The following GALNT17 variants were observed in gnomAD, a reference collection of about 807,000 sequenced individuals.
GALNT17 encodes polypeptide N-acetylgalactosaminyltransferase 17.
Under a neutral mutation model 63.7 loss-of-function variants are expected in GALNT17, and 29 were observed. That is an observed-to-expected ratio of 0.46 (90% CI 0.34 to 0.62). The LOEUF (loss-of-function observed/expected upper bound fraction) is 0.62, where lower values mean the gene tolerates loss of function less well. GALNT17 is among the 20% of genes least tolerant of loss of function. The probability of loss-of-function intolerance (pLI) is 0.01; values close to 1 mark genes in which losing one functional copy is unlikely to be tolerated. For missense variants in GALNT17, 603 were observed against 799.6 expected (o/e 0.75, Z 2.97); for synonymous variants, 305 against 318.3 (o/e 0.96, Z 0.45).
intron 6 of GALNT17, among the ~76,000 whole-genome samples, chr7:71,626,572 C>A (rs1165672879): frequency 6.6e-6 from 1 of 152,204 alleles, no homozygotes; most frequent in Non-Finnish European, 1.5e-5. Flanking sequence ...GCTCTAGAAG[C>A]TGAATGACCA....
At chr7:71,486,861 CA>C (rs1178098140) in intron 5 of GALNT17, among the ~76,000 whole-genome samples, 47 of 120,344 alleles carry the variant, frequency 3.9e-4, no homozygotes, top group East Asian at 7.3e-4. Context: ...AGACCCTGTC[CA>C]AAAAAAAAAA....
At chr7:71,210,264 G>A (rs923167350) in intron 1 of GALNT17, among the ~76,000 whole-genome samples, 4 of 152,126 alleles carry the variant, frequency 2.6e-5, no homozygotes, top group Non-Finnish European at 5.9e-5. Flanking sequence ...CCCTGGGTCC[G>A]TTTCACAACA....
chr7:71,439,496 C>A (rs142454997), intron 5 of GALNT17, among the ~76,000 whole-genome samples: 1 of 152,150 alleles, frequency 6.6e-6, no homozygotes, highest in Non-Finnish European at 1.5e-5. Context: ...ACATTAGCAA[C>A]GTAAACTTTC....
intron 5 of GALNT17, among the ~76,000 whole-genome samples, chr7:71,476,824 G>A (rs967032606): frequency 3.3e-5 from 5 of 152,210 alleles, no homozygotes; most frequent in Admixed American, 3.3e-4. Flanking sequence ...GCTTTAGGGT[G>A]AGAATTCCAG....
At chr7:71,643,685 G>A (rs1300773283) in intron 6 of GALNT17, among the ~76,000 whole-genome samples, 4 of 152,116 alleles carry the variant, frequency 2.6e-5, no homozygotes, top group South Asian at 2.1e-4. Flanking sequence ...GCCAGGCTGC[G>A]AGCTGATTGC....
chr7:71,575,495 TCTC>T (rs1290213519), intron 6 of GALNT17, among the ~76,000 whole-genome samples: 60 of 151,986 alleles, frequency 3.9e-4, no homozygotes, highest in African/African-American at 1.4e-3. Flanking sequence ...TTCACGCCAT[TCTC>T]CTGCCTCAGC....
chr7:71,253,388 G>A (rs374244435), intron 1 of GALNT17, among the ~76,000 whole-genome samples: 43 of 152,084 alleles, frequency 2.8e-4, no homozygotes, highest in African/African-American at 9.4e-4. Context: ...GAACAGTATG[G>A]GGGGAACTGC....
At chr7:71,658,865 G>A (rs1464781461) in intron 6 of GALNT17, among the ~76,000 whole-genome samples, 1 of 151,342 alleles carries the variant, frequency 6.6e-6, no homozygotes, top group East Asian at 1.9e-4. Flanking sequence ...TCCAGCCTGG[G>A]TGACAGAGCA....
intron 6 of GALNT17, among the ~76,000 whole-genome samples, chr7:71,654,933 C>G (rs1005827642): frequency 6.6e-6 from 1 of 152,082 alleles, no homozygotes; most frequent in Non-Finnish European, 1.5e-5. Context: ...GGATTACAGG[C>G]ACCTGCCGCC....
At chr7:71,154,468 C>T (rs1329169863) in intron 1 of GALNT17, among the ~76,000 whole-genome samples, 1 of 152,204 alleles carries the variant, frequency 6.6e-6, no homozygotes. Flanking sequence ...TGTTGTACAG[C>T]AATAACCAGT....
At position 71,685,948 on chromosome 7, in the gene GALNT17, A is replaced by ATTT. The variant is rs3062958; in HGVS notation, c.1500+8664_1500+8666dup. On this transcript the variant is annotated intron_variant, in intron 9 of 10. Transcript: ENST00000333538. Reference sequence around the variant, plus strand: ...TTTTTTTCTTTTCAAGGCAATTACTATTTTTTTTTTTTTTTTTTTTTTTTG... The same window carrying ATTT: ...TTTTTTTCTTTTCAAGGCAATTACTATTTTTTTTTTTTTTTTTTTTTTTTTTTG... 2.4e-3 allele frequency among the ~76,000 whole-genome samples: 146 copies of ATTT among 59,818 alleles called. 7 individuals carry two copies. The highest frequency in any genetic ancestry group is 8.1e-3 in the African/African-American group (118 of 14,564). 39.2% of individuals were successfully genotyped at this position (59,818 alleles called of 152,430 possible). A position where few individuals can be genotyped will look rare whatever the true frequency, so the allele number is the denominator to read the frequency against.
rs570975228 is a variant in GALNT17, at chr7:71,281,996, T to G, written c.239-53554T>G. On this transcript the variant is annotated intron_variant, in intron 1 of 10. Coordinates refer to ENST00000333538, the MANE Select transcript of GALNT17 (RefSeq NM_022479.3). ...CCAGGTCACAGGTTGCTTCTATGTG[T>G]TAACTCTTTCTTCCTCAATGTTCTC... Among the ~76,000 whole-genome samples the G allele has an allele frequency of 1.1e-3, 173 of 152,296 alleles. 9 individuals carry two copies. The South Asian group carries it at 0.035, about 31-fold the overall frequency.
intron 1 of GALNT17, among the ~76,000 whole-genome samples, chr7:71,264,388 TG>T (rs1399419238): frequency 3.9e-5 from 6 of 152,172 alleles, no homozygotes; most frequent in African/African-American, 1.4e-4. Flanking sequence ...GGGTTGTACC[TG>T]AGGGGGTGAA....
At chr7:71,217,529 A>T (rs1789507070) in intron 1 of GALNT17, among the ~76,000 whole-genome samples, 1 of 151,814 alleles carries the variant, frequency 6.6e-6, no homozygotes. Context: ...ACCTTATATC[A>T]TTCTGGTTTT....
intron 1 of GALNT17, among the ~76,000 whole-genome samples, chr7:71,238,819 A>G (rs150994749): frequency 5.3e-5 from 8 of 152,242 alleles, no homozygotes; most frequent in Non-Finnish European, 7.4e-5. Flanking sequence ...AATAACTACA[A>G]TGCAGCAGAG....
chr7:71,598,893 G>A (rs1044363899), intron 6 of GALNT17, among the ~76,000 whole-genome samples: 1 of 152,050 alleles, frequency 6.6e-6, no homozygotes, highest in African/African-American at 2.4e-5. Flanking sequence ...TGGTGGGGGT[G>A]GTGTCGGTGG....
chr7:71,484,797 ATTT>A (rs386410414), intron 5 of GALNT17, among the ~76,000 whole-genome samples: 4 of 107,364 alleles, frequency 3.7e-5, no homozygotes, highest in Non-Finnish European at 5.2e-5. Flanking sequence ...CAGCATCAGG[ATTT>A]TTTTTTTTTT....
At chr7:71,420,529 C>G (rs922750577) in intron 4 of GALNT17, among the ~76,000 whole-genome samples, 4 of 152,114 alleles carry the variant, frequency 2.6e-5, no homozygotes, top group African/African-American at 4.8e-5. Context: ...GGGAAACTGA[C>G]GACACTGTAT....
intron 5 of GALNT17, among the ~76,000 whole-genome samples, chr7:71,542,770 A>G (rs550257136): frequency 1.3e-5 from 2 of 152,040 alleles, no homozygotes; most frequent in African/African-American, 2.4e-5. Flanking sequence ...AGTGGGATAC[A>G]GGGATTTGCA....
Sources: gnomAD v4.1 joint callset for allele counts (sites outside exome capture counted in the v4.1 genomes callset) on GRCh38, gnomAD v4.1.1 for gene constraint, MANE v1.5 for transcripts, NCBI Gene and HGNC (gene_info 2026-07-23, HGNC 2026-07-21) for gene names.